PGBD2: variants seen among roughly 807,000 people sequenced by gnomAD.
PGBD2 encodes piggyBac transposable element-derived protein 2.
A neutral mutation model predicts 8.1 loss-of-function variants in PGBD2; 6 were observed. The observed-to-expected ratio is 0.74, with a 90% confidence interval of 0.40 to 1.46. The LOEUF (loss-of-function observed/expected upper bound fraction) is 1.46, where lower values mean the gene tolerates loss of function less well. Ranked by LOEUF, PGBD2 falls within the 40% of genes most tolerant of loss-of-function variation. PGBD2 has a pLI of 0.02. For synonymous variants in PGBD2, 318 were observed against 272.2 expected (o/e 1.17, Z -1.66); for missense variants, 802 against 739.0 (o/e 1.09, Z -0.99).
chr1:248,879,244 T>A, the PGBD2 span, among the ~76,000 whole-genome samples: 1 of 152,212 alleles, frequency 6.6e-6, no homozygotes. Context: ...TAGTCTGATT[T>A]TCTTCTGAGT....
chr1:248,914,624 G>T, intron 2 of PGBD2: 25 of 1,284,616 alleles, frequency 1.9e-5, no homozygotes, highest in Non-Finnish European at 2.4e-5. Context: ...GGGTCCTCAC[G>T]TAGAGGTTGG....
the PGBD2 span, among the ~76,000 whole-genome samples, chr1:248,890,226 T>G: frequency 1.3e-5 from 2 of 152,130 alleles, no homozygotes; most frequent in Non-Finnish European, 2.9e-5. Flanking sequence ...GCACCCGGCC[T>G]GAATCCTTAA....
the PGBD2 span, among the ~76,000 whole-genome samples, chr1:248,889,452 C>T: frequency 5.9e-5 from 9 of 152,002 alleles, no homozygotes; most frequent in Non-Finnish European, 7.4e-5. Context: ...AAATGTTTTC[C>T]GTTTAATATT....
At chr1:248,874,356 C>T in the PGBD2 span, among the ~76,000 whole-genome samples, 11 of 152,180 alleles carry the variant, frequency 7.2e-5, no homozygotes, top group Non-Finnish European at 7.3e-5. Flanking sequence ...CAGGGCTAAC[C>T]ATAGGTGATG....
chr1:248,921,587 CT>C (rs1263827400), downstream of PGBD2, among the ~76,000 whole-genome samples: 3 of 152,184 alleles, frequency 2.0e-5, no homozygotes, highest in African/African-American at 7.2e-5. Flanking sequence ...CAGCTTTGCC[CT>C]TTTTCCCCAG....
the PGBD2 span, among the ~76,000 whole-genome samples, chr1:248,872,973 TCTC>T: frequency 3.9e-4 from 60 of 152,176 alleles, no homozygotes; most frequent in African/African-American, 9.9e-4. Context: ...AAATAGAACT[TCTC>T]CACCACTTCA....
At chr1:248,927,756 A>G in the PGBD2 span, among the ~76,000 whole-genome samples, 1 of 152,222 alleles carries the variant, frequency 6.6e-6, no homozygotes, top group African/African-American at 2.4e-5. Context: ...GAGTGAACAT[A>G]CACTGGAATT....
chr1:248,886,050 C>A, the PGBD2 span, among the ~76,000 whole-genome samples: 10 of 151,904 alleles, frequency 6.6e-5, no homozygotes, highest in Non-Finnish European at 1.5e-4. Flanking sequence ...AAATAAGAAA[C>A]GTGTCTTATG....
chr1:248,893,771 ATTAT>A, the PGBD2 span, among the ~76,000 whole-genome samples: 9 of 152,170 alleles, frequency 5.9e-5, no homozygotes, highest in African/African-American at 1.7e-4. Context: ...TTATTGCTGG[ATTAT>A]TTGACAGTTC....
chr1:248,913,053 C>G (rs1290425734), intron 1 of PGBD2, among the ~76,000 whole-genome samples: 1 of 152,054 alleles, frequency 6.6e-6, no homozygotes, highest in Non-Finnish European at 1.5e-5. Context: ...CTGCCCGCCT[C>G]GGCCTCCCAA....
intron 1 of PGBD2, among the ~76,000 whole-genome samples, chr1:248,913,490 G>A (rs1661983539): frequency 6.6e-6 from 1 of 152,090 alleles, no homozygotes; most frequent in Non-Finnish European, 1.5e-5. Context: ...AGCTATTATG[G>A]ATCGTGCAGC....
intron 1 of PGBD2, among the ~76,000 whole-genome samples, chr1:248,907,360 T>C (rs1283429341): frequency 6.6e-6 from 1 of 152,208 alleles, no homozygotes; most frequent in African/African-American, 2.4e-5. Context: ...ATTGAACAAA[T>C]GTACAATCAG....
At chr1:248,913,412 A>G (rs1362640417) in intron 1 of PGBD2, among the ~76,000 whole-genome samples, 3 of 152,052 alleles carry the variant, frequency 2.0e-5, no homozygotes, top group African/African-American at 7.3e-5. Context: ...TAGGTAGTTC[A>G]TTTTTTTAAA....
the PGBD2 span, among the ~76,000 whole-genome samples, chr1:248,895,497 G>A: frequency 6.6e-6 from 1 of 152,096 alleles, no homozygotes; most frequent in African/African-American, 2.4e-5. Context: ...GTCTGGTGCT[G>A]TTAGACATTT....
At chr1:248,898,632 C>T in the PGBD2 span, among the ~76,000 whole-genome samples, 1 of 152,144 alleles carries the variant, frequency 6.6e-6, no homozygotes. Context: ...AAGGAAAAAC[C>T]GTTACCAGCC....
At chr1:248,886,383 G>T in the PGBD2 span, among the ~76,000 whole-genome samples, 19 of 152,210 alleles carry the variant, frequency 1.2e-4, no homozygotes, top group African/African-American at 4.3e-4. Context: ...CTTGTGCTGA[G>T]AAGTGAGGAT....
the PGBD2 span, among the ~76,000 whole-genome samples, chr1:248,926,268 A>C: frequency 3.3e-5 from 5 of 152,190 alleles, no homozygotes; most frequent in Non-Finnish European, 5.9e-5. Flanking sequence ...AGCTCTGTAC[A>C]AAAGTTGTAA....
chr1:248,896,872 G>C, the PGBD2 span, among the ~76,000 whole-genome samples: 1 of 152,222 alleles, frequency 6.6e-6, no homozygotes, highest in African/African-American at 2.4e-5. Context: ...CAGGGAGGCC[G>C]TGAGGGATTG....
the PGBD2 span, among the ~76,000 whole-genome samples, chr1:248,927,710 A>G: frequency 3.9e-5 from 6 of 152,206 alleles, no homozygotes; most frequent in Non-Finnish European, 5.9e-5. Flanking sequence ...ATGATGTGTT[A>G]GAGAATGCCT....
Sources: gnomAD v4.1 joint callset for allele counts (sites outside exome capture counted in the v4.1 genomes callset) on GRCh38, gnomAD v4.1.1 for gene constraint, MANE v1.5 for transcripts, NCBI Gene and HGNC (gene_info 2026-07-23, HGNC 2026-07-21) for gene names.